SIPA1L2: variants seen among roughly 807,000 people sequenced by gnomAD.
The protein encoded by SIPA1L2 is signal induced proliferation associated 1 like 2, also known as signal-induced proliferation-associated 1-like protein 2.
A neutral mutation model predicts 163.9 loss-of-function variants in SIPA1L2; 56 were observed. That is an observed-to-expected ratio of 0.34 (90% CI 0.28 to 0.43). The LOEUF (loss-of-function observed/expected upper bound fraction) is 0.43, where lower values mean the gene tolerates loss of function less well. Ranked by LOEUF, SIPA1L2 falls within the 20% of genes least tolerant of loss-of-function variation. The pLI, the probability that SIPA1L2 is intolerant of heterozygous loss-of-function variation, is 1.00. For synonymous variants in SIPA1L2, 877 were observed against 865.7 expected, an observed-to-expected ratio of 1.01 and a Z score of -0.23; for missense variants, 1,974 against 2,193.5, an observed-to-expected ratio of 0.90 and a Z score of 2.00.
chr1:232,588,501 C>T (rs1233007004), intron 1 of SIPA1L2, among the ~76,000 whole-genome samples: 1 of 152,076 alleles, frequency 6.6e-6, no homozygotes, highest in Non-Finnish European at 1.5e-5. Context: ...TTCTAAGTGG[C>T]CAATGCATGA....
At chr1:232,572,186 C>T (rs7536083) in intron 2 of SIPA1L2, among the ~76,000 whole-genome samples, 14,802 of 152,146 alleles carry the variant, frequency 0.097, 2,137 homozygotes, top group African/African-American at 0.32. Context: ...AGAAGGTCCC[C>T]AGCTGTGTCC....
At chr1:232,463,527 C>T (rs970824115) in intron 9 of SIPA1L2, among the ~76,000 whole-genome samples, 3 of 152,186 alleles carry the variant, frequency 2.0e-5, no homozygotes, top group African/African-American at 4.8e-5. Context: ...ACTGACAATA[C>T]ACTTTTCTAG....
intron 8 of SIPA1L2, among the ~76,000 whole-genome samples, chr1:232,468,493 GCCCT>G (rs2102939383): frequency 6.6e-6 from 1 of 152,232 alleles, no homozygotes; most frequent in Admixed American, 6.5e-5. Flanking sequence ...GTGCCTCCCT[GCCCT>G]CATCTGTAAA....
At chr1:232,442,552 G>GAAAAAAGAAAA (rs1336720133) in intron 12 of SIPA1L2, among the ~76,000 whole-genome samples, 2 of 74,730 alleles carry the variant, frequency 2.7e-5, no homozygotes, top group African/African-American at 9.8e-5. Flanking sequence ...CATCTCAAAA[G>GAAAAAAGAAAA]AAAAAAAAAA....
chr1:232,575,335 G>GT (rs1436663291), intron 1 of SIPA1L2, among the ~76,000 whole-genome samples: 2 of 152,086 alleles, frequency 1.3e-5, no homozygotes, highest in Non-Finnish European at 2.9e-5. Flanking sequence ...CATTAACAGC[G>GT]TTCCTTTCAC....
chr1:232,436,126 C>A (rs1662547952), intron 15 of SIPA1L2, among the ~76,000 whole-genome samples: 1 of 152,174 alleles, frequency 6.6e-6, no homozygotes, highest in Non-Finnish European at 1.5e-5. Context: ...CTAGGTTACC[C>A]AGGCACTGGT....
intron 1 of SIPA1L2, among the ~76,000 whole-genome samples, chr1:232,598,261 C>T (rs1036125283): frequency 3.3e-5 from 5 of 150,092 alleles, no homozygotes; most frequent in South Asian, 2.1e-4. Context: ...AAAAATCAGC[C>T]GGGTGTGCTG....
At chr1:232,499,896 A>G (rs10737203) in intron 3 of SIPA1L2, among the ~76,000 whole-genome samples, 119,081 of 152,150 alleles carry the variant, frequency 0.78, 46,761 homozygotes, top group East Asian at 0.88. Context: ...GGGCCCTTAA[A>G]AATTATGCCA....
At chr1:232,449,609 A>G (rs112957818) in intron 10 of SIPA1L2, among the ~76,000 whole-genome samples, 305 of 71,464 alleles carry the variant, frequency 4.3e-3, no homozygotes, top group Non-Finnish European at 4.7e-3. Context: ...GAGAAGAGGG[A>G]AAAAAAAAGG....
chr1:232,622,350 G>A (rs1179477869), intron 1 of SIPA1L2, among the ~76,000 whole-genome samples: 1 of 152,222 alleles, frequency 6.6e-6, no homozygotes. Context: ...GTCAACAAAA[G>A]ATGCACTATA....
intron 22 of SIPA1L2, among the ~76,000 whole-genome samples, chr1:232,400,557 T>G (rs999822917): frequency 2.6e-5 from 4 of 152,094 alleles, no homozygotes; most frequent in Admixed American, 6.5e-5. Flanking sequence ...TTCCTACAAT[T>G]CCAGCTCCTC....
In SIPA1L2 at chr1:232,572,773, A is replaced by T. The variant is rs1246394019; in HGVS notation, c.-270+1401T>A. 8.9e-5 allele frequency among the ~76,000 whole-genome samples: 10 copies of T among 112,702 alleles called. No individual in the cohort carries two copies. The South Asian group carries it at 9.1e-4, about 10-fold the overall frequency. 73.9% of individuals were successfully genotyped at this position (112,702 alleles called of 152,430 possible). ...TATATATATATATATATATATATAT[A>T]TATATATTTATTTATTTATTTTTTC... On this transcript the variant is annotated intron_variant, in intron 2 of 22. Transcript: ENST00000674635.
In SIPA1L2 at chr1:232,501,019, G is replaced by A. The variant is rs1273938265; in HGVS notation, c.1484-7359C>T. ...AGAAAGGTTGACTTGCTGAAGGCTC[G>A]GTGATTGTTAGCACTTTTTAGCAAT... On this transcript the variant is annotated intron_variant, in intron 3 of 22. Coordinates refer to ENST00000674635, the MANE Select transcript of SIPA1L2 (RefSeq NM_020808.5). Among the ~76,000 whole-genome samples the A allele has an allele frequency of 4.8e-5, 7 of 145,372 alleles. No homozygotes were observed. In the East Asian group the frequency reaches 1.5e-3, roughly 31 times the overall value.
rs73099520 is a variant in SIPA1L2, at chr1:232,607,399, A to G, written c.-319+22470T>C. On this transcript the variant is annotated intron_variant, in intron 1 of 22. Transcript: ENST00000674635. ...ATGCAGTATCATAATTGAATATCTT[A>G]CTATCAAATTTTTTCCAATTTTTAA... 8.0e-3 allele frequency among the ~76,000 whole-genome samples: 1,221 copies of G among 152,346 alleles called. 18 individuals are homozygous for G. The highest frequency in any genetic ancestry group is 0.026 in the African/African-American group (1,099 of 41,578).
At chr1:232,411,751 CTG>C (rs1660969666) in intron 19 of SIPA1L2, among the ~76,000 whole-genome samples, 1 of 152,148 alleles carries the variant, frequency 6.6e-6, no homozygotes, top group Non-Finnish European at 1.5e-5. Flanking sequence ...TACCCTCTCT[CTG>C]GGTGTAGTCC....
At chr1:232,525,401 A>ATTTTTTTTTTTT (rs59155660) in intron 2 of SIPA1L2, among the ~76,000 whole-genome samples, 1 of 127,664 alleles carries the variant, frequency 7.8e-6, no homozygotes. Flanking sequence ...AAGCCTGGCT[A>ATTTTTTTTTTTT]TTTTTTTTTT....
In SIPA1L2 at chr1:232,465,222, G is replaced by A; in HGVS notation, c.2438C>T (p.Ala813Val). The A allele has an allele frequency of 3.1e-6, 5 of 1,614,100 alleles. No homozygotes were observed. The highest frequency in any genetic ancestry group is 1.3e-5 in the African/African-American group (1 of 75,008). Residue 813 changes from alanine to valine, a missense_variant, in exon 9 of 23, where the codon GCG becomes GTG. By Grantham distance (64) the Ala-to-Val change is moderately conservative. Around this residue, in one of 3 missense-constraint regions of SIPA1L2, gnomAD observed 288 missense variants for 418.9 expected, o/e 0.69. Coordinates refer to ENST00000674635, the MANE Select transcript of SIPA1L2 (RefSeq NM_020808.5). The surrounding 1 kb of genome is among the most constrained non-coding windows in gnomAD (Gnocchi z 4.1). ...GGTGGCGGTTGTGACAAAGTTCTCC[G>A]CCAGATCTTTCAAGTACTCCTGCCT... ...RTRQEYLKDL[A>V]ENFVTTATVD...
intron 18 of SIPA1L2, among the ~76,000 whole-genome samples, chr1:232,419,984 A>G (rs965191936): frequency 6.6e-6 from 1 of 152,200 alleles, no homozygotes; most frequent in African/African-American, 2.4e-5. Context: ...CAACAAACAG[A>G]TGAATACTGT....
intron 4 of SIPA1L2, among the ~76,000 whole-genome samples, chr1:232,491,954 A>G (rs1300560499): frequency 6.6e-6 from 1 of 152,230 alleles, no homozygotes; most frequent in Non-Finnish European, 1.5e-5. Context: ...CACTAAGGAA[A>G]AGGATTTCTA....
Sources: allele counts gnomAD v4.1 joint callset (sites outside exome capture counted in the v4.1 genomes callset), GRCh38; gene constraint gnomAD v4.1.1; regional missense constraint gnomAD v4.1.1; non-coding constraint Gnocchi (gnomAD v3.1); transcripts MANE v1.5; gene names NCBI Gene and HGNC (gene_info 2026-07-23, HGNC 2026-07-21).